UNC79: variants seen among roughly 807,000 people sequenced by gnomAD.
UNC79 encodes unc-79 subunit of NALCN channel complex.
UNC79 carries 37 observed loss-of-function variants against 283.1 expected under a neutral mutation model. The ratio of observed to expected loss-of-function variants is 0.13; its 90% CI spans 0.10 to 0.17. The LOEUF (loss-of-function observed/expected upper bound fraction) is 0.17. UNC79 is among the 10% of genes least tolerant of loss of function. The pLI is 1.00. For missense variants in UNC79, 2,272 were observed against 3,211.1 expected (o/e 0.71, Z 7.07); for synonymous variants, 1,107 against 1,200.2 (o/e 0.92, Z 1.61).
intron 4 of UNC79, among the ~76,000 whole-genome samples, chr14:93,486,591 T>C (rs2058446425): frequency 6.8e-6 from 1 of 147,786 alleles, no homozygotes; most frequent in Non-Finnish European, 1.5e-5. Flanking sequence ...GGGTTGGAGG[T>C]TGCAGTGAGC....
In UNC79 at chr14:93,691,744, T is replaced by G; in HGVS notation, c.7273-5T>G. 6.2e-7 allele frequency: 1 copy of G among 1,613,770 alleles called. No individual in the cohort carries two copies. The highest frequency in any genetic ancestry group is 1.3e-5 in the African/African-American group (1 of 75,038). ...ATGCACTGATGCCGTCTTCTTCCTT[T>G]TCAGACCTCCGTGCTGCACATGTGC... On this transcript the variant is annotated splice_region_variant and splice_polypyrimidine_tract_variant and intron_variant, in intron 45 of 48. Coordinates refer to ENST00000555664, the Ensembl canonical transcript of UNC79.
chr14:93,572,258 A>G (rs2063246640), intron 15 of UNC79, among the ~76,000 whole-genome samples, 174 bp downstream of exon 15: 1 of 152,252 alleles, frequency 6.6e-6, no homozygotes, highest in Non-Finnish European at 1.5e-5. Flanking sequence ...ACCTCAACCT[A>G]AGATGATTTG....
rs562353586 is a variant in UNC79 at position 93,493,897 on chromosome 14, ATATATTT to A, written c.713-2512_713-2506del. On this transcript the variant is annotated intron_variant, in intron 5 of 48. Transcript: ENST00000555664. Reference sequence around the variant, plus strand: ...CACATATATATATATATATATATATATATATTTTTTTTTTTTTTTTTTTGAGATAGAG... The same window carrying A: ...CACATATATATATATATATATATATATTTTTTTTTTTTTTTTGAGATAGAG... Among the ~76,000 whole-genome samples, 218 of 57,560 alleles carry A rather than the reference ATATATTT, an allele frequency of 3.8e-3. 3 individuals carry two copies. In the South Asian group the frequency reaches 0.065, roughly 17 times the overall value. The allele number at this position is 57,560 out of a possible 152,430, so 37.8% of individuals were successfully genotyped here.
chr14:93,470,627 T>C lies in UNC79; in HGVS notation c.143+2836T>C, dbSNP rs2057451840. ...CAAATTTCATCCAGCGTTGGAATCC[T>C]TCTAGTTAATGCTATTTACTTAATC... On this transcript the variant is annotated intron_variant, in intron 2 of 48. Transcript: ENST00000555664. Among the ~76,000 whole-genome samples the C allele has an allele frequency of 6.6e-5, 10 of 152,214 alleles. No individual in the cohort carries two copies. In the South Asian group the frequency reaches 2.1e-3, roughly 32 times the overall value.
At position 93,364,962 on chromosome 14, in the gene UNC79, A is replaced by G. The variant is rs377004758; in HGVS notation, c.-351+31439A>G. Among the ~76,000 whole-genome samples the G allele has an allele frequency of 9.9e-5, 15 of 152,092 alleles. No individual in the cohort carries two copies. In the East Asian group the frequency reaches 1.7e-3, roughly 18 times the overall value. ...ACAGAAGTGCTCAGGGCTGGGTGCAATGGCTCATGACTATAATCTCAACAC... is the reference window on the plus strand; with the variant it reads ...ACAGAAGTGCTCAGGGCTGGGTGCAGTGGCTCATGACTATAATCTCAACAC... On this transcript the variant is annotated intron_variant, in intron 1 of 49. Coordinates refer to the UNC79 transcript ENST00000256339.
In UNC79 at chr14:93,613,301, C is replaced by CGTGT. The variant is rs200301706; in HGVS notation, c.4041+238_4041+241dup. The stretch of plus-strand genomic sequence containing the variant: ...AAATGACAGAGAGAGAGACTGCATG[C>CGTGT]GTGTGTGTGTGTGTGTGTGTGTGAG... On this transcript the variant is annotated intron_variant, in intron 27 of 48. Transcript: ENST00000555664. Among the ~76,000 whole-genome samples the CGTGT allele has an allele frequency of 7.3e-3, 1,075 of 146,836 alleles. 6 individuals carry two copies. Among genetic ancestry groups the CGTGT allele is most frequent in the African/African-American group, 0.014 (562 of 40,084 alleles).
At chr14:93,598,980 A>C (rs901653968) in intron 24 of UNC79, among the ~76,000 whole-genome samples, 2 of 152,238 alleles carry the variant, frequency 1.3e-5, no homozygotes, top group African/African-American at 2.4e-5. Context: ...TGGAGACACC[A>C]AGTCTCAGAG....
chr14:93,618,201 C>A lies in UNC79; in HGVS notation c.4234C>A (p.Arg1412=), dbSNP rs750984111. The change falls in exon 29 of 49, where the codon CGA becomes AGA. Residue 1412 remains arginine (R), a synonymous_variant. Transcript: ENST00000555664. ...TCGTTTCATTGGGCAGTATCCATAC[C>A]GAGACTGTGATATCAGCAAGATCCT... 1.9e-6 allele frequency: 3 copies of A among 1,612,458 alleles called. No homozygotes were observed. The Admixed American group carries it at 5.0e-5, about 27-fold the overall frequency.
chr14:93,419,255 A>G (rs903418197), intron 1 of UNC79, among the ~76,000 whole-genome samples: 4 of 148,024 alleles, frequency 2.7e-5, no homozygotes, highest in African/African-American at 7.5e-5. Context: ...TGCAACCTCC[A>G]CTTCCCAGGT....
chr14:93,343,045 C>G (rs903175243), intron 1 of UNC79, among the ~76,000 whole-genome samples: 4 of 152,202 alleles, frequency 2.6e-5, no homozygotes, highest in African/African-American at 9.7e-5. Context: ...TCCAAACTTT[C>G]CCACATCTTC....
At chr14:93,552,405 G>C (rs2061945542) in intron 14 of UNC79, among the ~76,000 whole-genome samples, 1 of 152,058 alleles carries the variant, frequency 6.6e-6, no homozygotes, top group Non-Finnish European at 1.5e-5. Context: ...TTAGTTTGCA[G>C]GGCCTTAGGA....
rs746598956 is a variant in UNC79, at chr14:93,582,207, C to T, written c.2666C>T (p.Pro889Leu). 2 of 1,614,076 alleles carry T rather than the reference C, an allele frequency of 1.2e-6. No individual in the cohort carries two copies. The highest frequency in any genetic ancestry group is 4.5e-5 in the East Asian group (2 of 44,858). Residue 889 changes from proline (P) to leucine (L), a missense_variant, in exon 20 of 49, where the codon CCC becomes CTC. Around this residue, in one of 11 missense-constraint regions of UNC79, gnomAD observed 356 missense variants for 416.2 expected, o/e 0.86. Transcript: ENST00000555664. ...TGCCTGTCCTGTTTATTTCAGGAGC[C>T]CACAGACAGCCTGGAGGATAGCCTC...
At chr14:93,414,503 A>G (rs536112997) in intron 1 of UNC79, among the ~76,000 whole-genome samples, 2,058 of 152,262 alleles carry the variant, frequency 0.014, 50 homozygotes, top group African/African-American at 0.047. Context: ...TTGACTTGGC[A>G]ATGCGGGCTC....
intron 1 of UNC79, among the ~76,000 whole-genome samples, chr14:93,368,060 T>C (rs78069088): frequency 0.02 from 2,978 of 152,324 alleles, 91 homozygotes; most frequent in African/African-American, 0.068. Context: ...TTTCTCAGAG[T>C]GATTCTGCTA....
chr14:93,462,819 T>TG, intron 1 of UNC79, among the ~76,000 whole-genome samples: 1 of 152,240 alleles, frequency 6.6e-6, no homozygotes, highest in Non-Finnish European at 1.5e-5. Context: ...GTTTCTTTCT[T>TG]GGGGGAAGGG....
At position 93,688,761 on chromosome 14, in the gene UNC79, C is replaced by T. The variant is rs951724345; in HGVS notation, c.7006C>T (p.Arg2336Trp). Residue 2336 changes from arginine (R) to tryptophan (W), a missense_variant, in exon 44 of 49, where the codon CGG (arginine) becomes TGG (tryptophan). Around this residue, in one of 11 missense-constraint regions of UNC79, gnomAD observed 225 missense variants for 334.2 expected, o/e 0.67. Coordinates refer to ENST00000555664, the Ensembl canonical transcript of UNC79. The surrounding 1 kb of genome is among the most constrained non-coding windows in gnomAD (Gnocchi z 4.0). ...CCAGATTGCAGCCATGGACATCTCA[C>T]GGGGCAACCACAGAGATAACAAAGC... 2.9e-5 allele frequency: 47 copies of T among 1,613,728 alleles called. No individual in the cohort carries two copies. Among genetic ancestry groups the T allele is most frequent in the Non-Finnish European group, 3.7e-5 (44 of 1,179,952 alleles).
intron 48 of UNC79, among the ~76,000 whole-genome samples, chr14:93,705,765 T>C (rs1487748367): frequency 6.6e-6 from 1 of 152,222 alleles, no homozygotes; most frequent in Non-Finnish European, 1.5e-5. Flanking sequence ...TCTGTAGCAC[T>C]AAGAGTGTCA....
intron 7 of UNC79, among the ~76,000 whole-genome samples, chr14:93,505,201 A>G (rs2059469224): frequency 1.3e-5 from 2 of 152,090 alleles, no homozygotes; most frequent in African/African-American, 4.8e-5. Context: ...CAAATCCTGT[A>G]TATTCTCATG....
chr14:93,460,524 A>G (rs2056929955), intron 1 of UNC79, among the ~76,000 whole-genome samples: 1 of 148,692 alleles, frequency 6.7e-6, no homozygotes, highest in Non-Finnish European at 1.5e-5. Context: ...AAAAAAAAAA[A>G]AAGTATATAG....
Sources: gnomAD v4.1 joint callset for allele counts (sites outside exome capture counted in the v4.1 genomes callset) on GRCh38, gnomAD v4.1.1 for gene constraint, gnomAD v4.1.1 regional missense constraint, Gnocchi (gnomAD v3.1) non-coding constraint, MANE v1.5 for transcripts, NCBI Gene and HGNC (gene_info 2026-07-23, HGNC 2026-07-21) for gene names.